DSCAML1: variants seen among roughly 807,000 people sequenced by gnomAD.
DSCAML1 encodes DS cell adhesion molecule like 1.
A neutral mutation model predicts 200.5 loss-of-function variants in DSCAML1; 38 were observed. The observed-to-expected ratio is 0.19, with a 90% confidence interval of 0.15 to 0.25. DSCAML1 has a LOEUF of 0.25. Ranked by LOEUF, DSCAML1 falls within the 10% of genes least tolerant of loss-of-function variation. The pLI is 1.00. For synonymous variants in DSCAML1, 1,215 were observed against 1,165.0 expected (o/e 1.04, Z -0.87); for missense variants, 2,223 against 2,858.8 (o/e 0.78, Z 5.07).
In DSCAML1 at chr11:117,780,235, A is replaced by AGAAAG. The variant is rs2055215148; in HGVS notation, c.364+253_364+257dup. Reference sequence around the variant, plus strand: ...AGAGAGAGAGAAAGAAAGAAAGGAAAGAAAGAAAGAAAGAAAGAAAGAAAG... The same window carrying AGAAAG: ...AGAGAGAGAGAAAGAAAGAAAGGAAAGAAAGGAAAGAAAGAAAGAAAGAAAGAAAG... On this transcript the variant is annotated intron_variant, in intron 2 of 32. Transcript: ENST00000651296. The surrounding 1 kb of genome is among the most constrained non-coding windows in gnomAD (Gnocchi z 4.8). 2.0e-5 allele frequency among the ~76,000 whole-genome samples: 1 copy of AGAAAG among 49,294 alleles called. No homozygotes were observed. Among genetic ancestry groups the AGAAAG allele is most frequent in the Non-Finnish European group, 4.1e-5 (1 of 24,366 alleles). The allele number at this position is 49,294 out of a possible 152,430, so 32.3% of individuals were successfully genotyped here.
At chr11:117,800,141 T>C (rs1423569584), upstream of DSCAML1, among the ~76,000 whole-genome samples, 1 of 152,218 alleles carries the variant, frequency 6.6e-6, no homozygotes, top group Non-Finnish European at 1.5e-5. Context: ...CCTTAGTATC[T>C]AGGGAAATGT....
At chr11:117,709,449 T>C (rs1208266056) in intron 3 of DSCAML1, among the ~76,000 whole-genome samples, 1 of 152,110 alleles carries the variant, frequency 6.6e-6, no homozygotes, top group Non-Finnish European at 1.5e-5. Context: ...GCCCCACACT[T>C]ATGACCTCAT....
chr11:117,681,182 C>T (rs1024998198), intron 3 of DSCAML1, among the ~76,000 whole-genome samples: 4 of 152,302 alleles, frequency 2.6e-5, no homozygotes, highest in African/African-American at 9.6e-5. Flanking sequence ...TCCCAGCAAA[C>T]CCCTTTGTGA....
intron 3 of DSCAML1, among the ~76,000 whole-genome samples, chr11:117,762,722 G>A (rs766567938): frequency 6.6e-6 from 1 of 152,062 alleles, no homozygotes; most frequent in Non-Finnish European, 1.5e-5. Context: ...AATTAGTCAG[G>A]TGTGGTGGCA....
At position 117,437,351 on chromosome 11, in the gene DSCAML1, C is replaced by CCGAG; in HGVS notation, c.4487_4490dup (p.Leu1498SerfsTer3). On this transcript the variant is annotated frameshift_variant, in exon 26 of 33. Coordinates refer to ENST00000651296, the MANE Select transcript of DSCAML1 (RefSeq NM_020693.4). LOFTEE classifies it high-confidence loss of function. The surrounding 1 kb of genome is among the most constrained non-coding windows in gnomAD (Gnocchi z 5.3). Reference sequence around the variant, plus strand: ...CATTGTTCCAGCCCTGCAGGTTAAGCCGAGCATGCGTGGAGTTGATGTGGG... The same window carrying CCGAG: ...CATTGTTCCAGCCCTGCAGGTTAAGCCGAGCGAGCATGCGTGGAGTTGATGTGGG... 1 of 1,614,216 alleles carries CCGAG rather than the reference C, an allele frequency of 6.2e-7. No individual in the cohort carries two copies. Among genetic ancestry groups the CCGAG allele is most frequent in the Non-Finnish European group, 8.5e-7 (1 of 1,180,046 alleles).
intron 8 of DSCAML1, among the ~76,000 whole-genome samples, chr11:117,512,454 G>A (rs1330302200): frequency 6.6e-6 from 1 of 152,178 alleles, no homozygotes; most frequent in Non-Finnish European, 1.5e-5. Flanking sequence ...GAGGGAGTCA[G>A]GGAAAAAATG....
rs4938385 is a variant in DSCAML1, at chr11:117,463,677, T to C, written c.3265+1265A>G. On this transcript the variant is annotated intron_variant, in intron 17 of 32. Coordinates refer to ENST00000651296, the MANE Select transcript of DSCAML1 (RefSeq NM_020693.4). This position sits in a 1 kb window ranked among gnomAD's most constrained non-coding sequence, Gnocchi z 4.0. ...GGATGGAGAGGGATAGCGAGGGCCA[T>C]GGGCTGAGGGCTTGGTTGTGGTGCG... 0.14 allele frequency among the ~76,000 whole-genome samples: 20,941 copies of C among 152,168 alleles called. 1,667 individuals carry two copies. The highest frequency in any genetic ancestry group is 0.2 in the Admixed American group (3,050 of 15,294).
intron 17 of DSCAML1, 122 bp from the exon 18 acceptor site, chr11:117,461,718 G>A (rs1375310801): frequency 3.4e-6 from 3 of 872,116 alleles, no homozygotes; most frequent in Non-Finnish European, 5.3e-6. Flanking sequence ...TAGACAAGTG[G>A]GGGGACCTCC....
chr11:117,459,613 T>G (rs1460978431), intron 18 of DSCAML1, among the ~76,000 whole-genome samples: 1 of 152,154 alleles, frequency 6.6e-6, no homozygotes, highest in Non-Finnish European at 1.5e-5. Flanking sequence ...GGACCCAACG[T>G]CCCAGCCCTG....
chr11:117,584,928 T>A (rs1343087358), intron 3 of DSCAML1, among the ~76,000 whole-genome samples: 1 of 152,216 alleles, frequency 6.6e-6, no homozygotes, highest in Non-Finnish European at 1.5e-5. Flanking sequence ...GTACTCAGAA[T>A]GATACTTGGC....
intron 3 of DSCAML1, among the ~76,000 whole-genome samples, chr11:117,706,496 G>A (rs1021691009): frequency 1.6e-4 from 24 of 152,188 alleles, no homozygotes; most frequent in African/African-American, 5.8e-4. Context: ...GAAGGAAGAG[G>A]TGTAAATGGG....
At chr11:117,704,400 C>G (rs551496942) in intron 3 of DSCAML1, among the ~76,000 whole-genome samples, 2 of 152,234 alleles carry the variant, frequency 1.3e-5, no homozygotes, top group Admixed American at 1.3e-4. Flanking sequence ...TGGCTGCACC[C>G]CACATTTACC....
At chr11:117,529,756 GCCT>G (rs1445366977) in intron 4 of DSCAML1, among the ~76,000 whole-genome samples, 1 of 151,834 alleles carries the variant, frequency 6.6e-6, no homozygotes, top group Non-Finnish European at 1.5e-5. Context: ...GGACACTCGT[GCCT>G]GCCTCTCTGT....
intron 3 of DSCAML1, among the ~76,000 whole-genome samples, chr11:117,759,324 G>A (rs1234077184): frequency 6.6e-6 from 1 of 152,156 alleles, no homozygotes; most frequent in Non-Finnish European, 1.5e-5. Context: ...GGCAGGACAG[G>A]GGAGATCATT....
chr11:117,745,512 G>T (rs552268788), intron 3 of DSCAML1, among the ~76,000 whole-genome samples: 66 of 152,260 alleles, frequency 4.3e-4, no homozygotes, highest in African/African-American at 1.4e-3. Context: ...CAGCACTGGG[G>T]TCTTCCCGGC....
chr11:117,434,640 T>G (rs1565673958), intron 27 of DSCAML1, among the ~76,000 whole-genome samples: 1 of 152,224 alleles, frequency 6.6e-6, no homozygotes, highest in Non-Finnish European at 1.5e-5. Flanking sequence ...CAGCCTTTTA[T>G]TCAACCATCC....
intron 11 of DSCAML1, among the ~76,000 whole-genome samples, chr11:117,487,845 T>C (rs552622611): frequency 3.3e-5 from 5 of 152,270 alleles, no homozygotes; most frequent in African/African-American, 1.2e-4. Flanking sequence ...TAGTATTTTC[T>C]GCTGTTTGGG....
chr11:117,502,987 G>T (rs543547490), intron 11 of DSCAML1, among the ~76,000 whole-genome samples: 96 of 152,170 alleles, frequency 6.3e-4, no homozygotes, highest in Non-Finnish European at 1.2e-3. Context: ...TTATAGCCAT[G>T]TCTTGACATG....
At chr11:117,445,204 G>C (rs923050378) in intron 20 of DSCAML1, among the ~76,000 whole-genome samples, 4 of 152,138 alleles carry the variant, frequency 2.6e-5, no homozygotes, top group Admixed American at 6.5e-5. Flanking sequence ...CATCCTTTTT[G>C]GCCCCAGGCC....
Sources: gnomAD v4.1 joint callset for allele counts (sites outside exome capture counted in the v4.1 genomes callset) on GRCh38, gnomAD v4.1.1 for gene constraint, Gnocchi (gnomAD v3.1) non-coding constraint, MANE v1.5 for transcripts, NCBI Gene and HGNC (gene_info 2026-07-23, HGNC 2026-07-21) for gene names.